The following PPP5C variants were observed in gnomAD, a reference collection of about 807,000 sequenced individuals.
PPP5C encodes protein phosphatase 5 catalytic subunit.
PPP5C carries 21 observed loss-of-function variants against 66.7 expected under a neutral mutation model. That is an observed-to-expected ratio of 0.31 (90% CI 0.22 to 0.45). The LOEUF is 0.45. Ranked by LOEUF, PPP5C falls within the 20% of genes least tolerant of loss-of-function variation. PPP5C has a pLI of 1.00. For synonymous variants in PPP5C, 246 were observed against 257.4 expected (o/e 0.96, Z 0.43); for missense variants, 464 against 675.9 (o/e 0.69, Z 3.48).
At chr19:46,359,994 G>T (rs1166282172) in intron 2 of PPP5C, among the ~76,000 whole-genome samples, 1 of 152,038 alleles carries the variant, frequency 6.6e-6, no homozygotes, top group Non-Finnish European at 1.5e-5. Context: ...GGCCAGGCTG[G>T]TCTTGAACTC....
rs769817540 is a variant in PPP5C, at chr19:46,347,087, G to A, written c.-10G>A. 7.5e-6 allele frequency: 12 copies of A among 1,596,546 alleles called. No homozygotes were observed. Among genetic ancestry groups the A allele is most frequent in the Non-Finnish European group, 1.0e-5 (12 of 1,172,282 alleles). ...GGCGGCCGTTGCCAGGGTAGGGGTC[G>A]CTTTGCGGCATGGCGATGGCGGAGG... On this transcript the variant is annotated 5_prime_UTR_variant, in exon 1 of 13. Coordinates refer to ENST00000012443, the MANE Select transcript of PPP5C (RefSeq NM_006247.4).
chr19:46,364,897 A>G (rs1419463602), intron 2 of PPP5C, among the ~76,000 whole-genome samples: 1 of 151,464 alleles, frequency 6.6e-6, no homozygotes, highest in African/African-American at 2.4e-5. Flanking sequence ...GGTATTAGAC[A>G]TAAATCCAGC....
intron 9 of PPP5C, 35 bp downstream of exon 9, chr19:46,387,488 A>T: frequency 1.2e-6 from 2 of 1,614,000 alleles, no homozygotes; most frequent in Non-Finnish European, 8.5e-7. Flanking sequence ...TCCAGCAGAA[A>T]GGGGCAGCCT....
Position 46,390,510 on chromosome 19 carries a change from C to A in PPP5C, c.*164C>A. On this transcript the variant is annotated 3_prime_UTR_variant, in exon 13 of 13. Transcript: ENST00000012443. ...TTTAGGTTTGCAGAGGGGGTAGGGGCAGAGTCAGGGGCTGGCCAGAGGGTC... is the reference window on the plus strand; with the variant it reads ...TTTAGGTTTGCAGAGGGGGTAGGGGAAGAGTCAGGGGCTGGCCAGAGGGTC... 1 of 1,463,590 alleles carries A rather than the reference C, an allele frequency of 6.8e-7. No individual in the cohort carries two copies. Among genetic ancestry groups the A allele is most frequent in the Non-Finnish European group, 9.0e-7 (1 of 1,106,346 alleles). 90.7% of individuals were successfully genotyped at this position (1,463,590 alleles called of 1,614,324 possible). A position where few individuals can be genotyped will look rare whatever the true frequency, so the allele number is the denominator to read the frequency against.
chr19:46,372,385 T>C (rs1389684736), intron 2 of PPP5C, among the ~76,000 whole-genome samples: 1 of 151,962 alleles, frequency 6.6e-6, no homozygotes, highest in Non-Finnish European at 1.5e-5. Flanking sequence ...TTGTTGTTGT[T>C]ATTTTTTTCT....
Position 46,383,162 on chromosome 19 carries a change from A to T in PPP5C, c.634-249A>T, listed in dbSNP as rs996153376. The T allele has an allele frequency of 1.0e-5, 15 of 1,459,840 alleles. No homozygotes were observed. The highest frequency in any genetic ancestry group is 3.8e-5 in the South Asian group (3 of 79,216). 90.4% of individuals were successfully genotyped at this position (1,459,840 alleles called of 1,614,324 possible). On this transcript the variant is annotated intron_variant, in intron 4 of 12. Coordinates refer to ENST00000012443, the MANE Select transcript of PPP5C (RefSeq NM_006247.4). This position sits in a 1 kb window ranked among gnomAD's most constrained non-coding sequence, Gnocchi z 5.0. Reference sequence around the variant, plus strand: ...TCCACTTGATGCTGAGTATTTTAAGATAATTCAAGAATCAGGTTTTCGTAC... The same window carrying T: ...TCCACTTGATGCTGAGTATTTTAAGTTAATTCAAGAATCAGGTTTTCGTAC...
intron 2 of PPP5C, among the ~76,000 whole-genome samples, chr19:46,355,280 C>G (rs1190572040): frequency 7.1e-6 from 1 of 141,770 alleles, no homozygotes; most frequent in Non-Finnish European, 1.6e-5. Flanking sequence ...ATCCTGCCCC[C>G]CGACACAGAC....
At chr19:46,371,795 C>T (rs1191305980) in intron 2 of PPP5C, among the ~76,000 whole-genome samples, 2 of 152,204 alleles carry the variant, frequency 1.3e-5, no homozygotes, top group Non-Finnish European at 2.9e-5. Flanking sequence ...AACCTGACTT[C>T]CCCCAGCTGC....
At chr19:46,387,901 A>T in intron 9 of PPP5C, 1 of 369,038 alleles carries the variant, frequency 2.7e-6, no homozygotes, top group Middle Eastern at 9.8e-4. Context: ...TTGAGCTGAC[A>T]CTGCGGGAAG....
chr19:46,347,589 G>GT (rs1017382486), intron 1 of PPP5C, among the ~76,000 whole-genome samples: 1 of 151,212 alleles, frequency 6.6e-6, no homozygotes, highest in Non-Finnish European at 1.5e-5. Context: ...CCTGGGGTGG[G>GT]TGCCGCCAAG....
At chr19:46,368,571 TG>T (rs1383329887) in intron 2 of PPP5C, among the ~76,000 whole-genome samples, 1 of 152,250 alleles carries the variant, frequency 6.6e-6, no homozygotes, top group Non-Finnish European at 1.5e-5. Context: ...TTAATAGCTT[TG>T]GGGGTACCCG....
Position 46,383,729 on chromosome 19 carries a change from C to A in PPP5C, c.700-51C>A. ...CCCTTCCCCTCACCTCTGCCCCCTC[C>A]CCACGTCTCTCTCTCGGCCCGTCCC... On this transcript the variant is annotated intron_variant, in intron 5 of 12. Coordinates refer to ENST00000012443, the MANE Select transcript of PPP5C (RefSeq NM_006247.4). This position sits in a 1 kb window ranked among gnomAD's most constrained non-coding sequence, Gnocchi z 5.0. The A allele has an allele frequency of 6.9e-7, 1 of 1,456,186 alleles. No individual in the cohort carries two copies. The highest frequency in any genetic ancestry group is 1.1e-5 in the South Asian group (1 of 87,540). 90.2% of individuals were successfully genotyped at this position (1,456,186 alleles called of 1,614,324 possible). A position where few individuals can be genotyped will look rare whatever the true frequency, so the allele number is the denominator to read the frequency against.
intron 1 of PPP5C, among the ~76,000 whole-genome samples, chr19:46,348,489 CT>C (rs1284834820): frequency 6.6e-6 from 1 of 151,828 alleles, no homozygotes; most frequent in Non-Finnish European, 1.5e-5. Flanking sequence ...AATTTTTGTA[CT>C]TTTAGTAGAG....
chr19:46,383,926 G>A lies in PPP5C; in HGVS notation c.798+48G>A, dbSNP rs374242398. 654 of 1,455,584 alleles carry A rather than the reference G, an allele frequency of 4.5e-4. No homozygotes were observed. The highest frequency in any genetic ancestry group is 5.6e-4 in the Non-Finnish European group (585 of 1,038,930). 90.2% of individuals were successfully genotyped at this position (1,455,584 alleles called of 1,614,324 possible). A position where few individuals can be genotyped will look rare whatever the true frequency, so the allele number is the denominator to read the frequency against. On this transcript the variant is annotated intron_variant, in intron 6 of 12. Coordinates refer to ENST00000012443, the MANE Select transcript of PPP5C (RefSeq NM_006247.4). This position sits in a 1 kb window ranked among gnomAD's most constrained non-coding sequence, Gnocchi z 5.0. ...CCTCTCCCCACCTCCACCCCCAGCC[G>A]CAGCCTCAGGTCTGCACAGAGTGGG...
intron 2 of PPP5C, among the ~76,000 whole-genome samples, chr19:46,363,138 C>T (rs1972422145): frequency 1.4e-5 from 2 of 146,300 alleles, no homozygotes; most frequent in Admixed American, 6.8e-5. Context: ...GAAACCCCGT[C>T]TCTACTAAAA....
intron 2 of PPP5C, among the ~76,000 whole-genome samples, chr19:46,357,636 G>A (rs958908488): frequency 6.6e-6 from 1 of 152,118 alleles, no homozygotes; most frequent in Admixed American, 6.5e-5. Flanking sequence ...CTATTAATTA[G>A]GGTTTCTGTG....
chr19:46,375,853 CT>C, intron 3 of PPP5C, 102 bp downstream of exon 3: 2 of 1,471,902 alleles, frequency 1.4e-6, no homozygotes, highest in Non-Finnish European at 1.8e-6. Flanking sequence ...GCCCCTTGTT[CT>C]GTCCCCAGGC....
At position 46,388,491 on chromosome 19, in the gene PPP5C, G is replaced by A. The variant is rs374573157; in HGVS notation, c.1176+43G>A. ...TGCAGGGCCGGCGGGTGTGGGCTGT[G>A]GCAGCAGGTGGAGGCAGACAGTCAC... On this transcript the variant is annotated intron_variant, in intron 10 of 12. Coordinates refer to ENST00000012443, the MANE Select transcript of PPP5C (RefSeq NM_006247.4). This position sits in a 1 kb window ranked among gnomAD's most constrained non-coding sequence, Gnocchi z 4.9. The A allele has an allele frequency of 1.4e-5, 22 of 1,609,940 alleles. No homozygotes were observed. The highest frequency in any genetic ancestry group is 1.5e-5 in the Non-Finnish European group (18 of 1,177,108).
intron 11 of PPP5C, 101 bp from the exon 12 acceptor site, chr19:46,389,950 T>TCCCTC: frequency 9.7e-7 from 1 of 1,029,708 alleles, no homozygotes; most frequent in African/African-American, 1.6e-5. Context: ...GCTCTGTCCC[T>TCCCTC]CCCTCTCCCT....
Sources: gnomAD v4.1 joint callset for allele counts (sites outside exome capture counted in the v4.1 genomes callset) on GRCh38, gnomAD v4.1.1 for gene constraint, Gnocchi (gnomAD v3.1) non-coding constraint, MANE v1.5 for transcripts, NCBI Gene and HGNC (gene_info 2026-07-23, HGNC 2026-07-21) for gene names.